Variants in EFNA2 observed in about 807,000 individuals in gnomAD.
EFNA2 encodes ephrin-A2.
Under a neutral mutation model 19.7 loss-of-function variants are expected in EFNA2, and 18 were observed. The ratio of observed to expected loss-of-function variants is 0.91; its 90% confidence interval spans 0.63 to 1.35. EFNA2 has a LOEUF of 1.35. EFNA2 is among the 40% of genes most tolerant of loss of function. The pLI is 0.00. For synonymous variants in EFNA2, 187 were observed against 137.8 expected, an observed-to-expected ratio of 1.36 and a Z score of -2.50; for missense variants, 303 against 296.0, an observed-to-expected ratio of 1.02 and a Z score of -0.17.
chr19:1,300,012 C>G lies in EFNA2; in HGVS notation c.*67C>G, dbSNP rs1412120217. ...CCTGGACCGCCTGACCTCGGCCCTC[C>G]GGACCCGGCTGCGGCCCCCGCCTCC... is the stretch of plus-strand genomic sequence containing the variant. On this transcript the variant is annotated 3_prime_UTR_variant, in exon 4 of 4. Transcript: ENST00000215368. 6 of 1,509,398 alleles carry G rather than the reference C, an allele frequency of 4.0e-6. No individual in the cohort carries two copies. The highest frequency in any genetic ancestry group is 1.4e-5 in the African/African-American group (1 of 71,148). 93.5% of individuals were successfully genotyped at this position (1,509,398 alleles called of 1,614,324 possible).
At chr19:1,291,317 A>G (rs994307618) in intron 1 of EFNA2, among the ~76,000 whole-genome samples, 1 of 152,160 alleles carries the variant, frequency 6.6e-6, no homozygotes, top group African/African-American at 2.4e-5. Flanking sequence ...CTGCACCACA[A>G]GGCCATACTT....
chr19:1,300,214 G>T lies in EFNA2; in HGVS notation c.*269G>T, dbSNP rs1053512486. 11 of 315,226 alleles carry T rather than the reference G, an allele frequency of 3.5e-5. No individual in the cohort carries two copies. In the East Asian group the frequency reaches 4.0e-4, roughly 11 times the overall value. 19.5% of individuals were successfully genotyped at this position (315,226 alleles called of 1,614,324 possible). ...GTGGCCAGGCCATCTCCTCTGGGGCGTCGGAGAACCCGGGAACCTCTTGGC... is the reference window on the plus strand; with the variant it reads ...GTGGCCAGGCCATCTCCTCTGGGGCTTCGGAGAACCCGGGAACCTCTTGGC... On this transcript the variant is annotated 3_prime_UTR_variant, in exon 4 of 4. Coordinates refer to ENST00000215368, the MANE Select transcript of EFNA2 (RefSeq NM_001405.4).
rs1042678800 is a variant in EFNA2 at position 1,286,223 on chromosome 19, C to T, written c.55C>T (p.Pro19Ser). ...GCTGCTGCTCCTGCTGTTACCGCTG[C>T]CGCCGCCGCCCTTCGCGCGCGCCGA... ...LPLLLLLLPL[P>S]PPPFARAEDA... Residue 19 changes from proline (P) to serine (S), a missense_variant, in exon 1 of 4, where the codon CCG (proline) becomes TCG (serine). Coordinates refer to ENST00000215368, the MANE Select transcript of EFNA2 (RefSeq NM_001405.4). This position sits in a 1 kb window ranked among gnomAD's most constrained non-coding sequence, Gnocchi z 5.6. 9.0e-7 allele frequency: 1 copy of T among 1,116,636 alleles called. No homozygotes were observed. Among genetic ancestry groups the T allele is most frequent in the Admixed American group, 4.0e-5 (1 of 25,062 alleles). 69.2% of individuals were successfully genotyped at this position (1,116,636 alleles called of 1,614,324 possible).
Position 1,300,244 on chromosome 19 carries a change from T to TC in EFNA2, c.*299_*300insC, listed in dbSNP as rs2081535914. 1 of 102,372 alleles carries TC rather than the reference T, an allele frequency of 9.8e-6. No individual in the cohort carries two copies. Among genetic ancestry groups the TC allele is most frequent in the Non-Finnish European group, 1.9e-5 (1 of 53,830 alleles). 6.3% of individuals were successfully genotyped at this position (102,372 alleles called of 1,614,324 possible). ...AGAACCCGGGAACCTCTTGGCGATTTTTTTTTTTTTTTTTTTTTTTTTTTT... is the reference window on the plus strand; with the variant it reads ...AGAACCCGGGAACCTCTTGGCGATTTCTTTTTTTTTTTTTTTTTTTTTTTTT... On this transcript the variant is annotated 3_prime_UTR_variant, in exon 4 of 4. Coordinates refer to ENST00000215368, the MANE Select transcript of EFNA2 (RefSeq NM_001405.4).
At chr19:1,288,995 C>T (rs866163660) in intron 1 of EFNA2, among the ~76,000 whole-genome samples, 1 of 152,258 alleles carries the variant, frequency 6.6e-6, no homozygotes, top group Non-Finnish European at 1.5e-5. Context: ...CTGCCCTCAC[C>T]TGTCCTGGCC....
rs547928573 is a variant in EFNA2, at chr19:1,295,343, C to T, written c.141-202C>T. On this transcript the variant is annotated intron_variant, in intron 1 of 3. Transcript: ENST00000215368. The surrounding 1 kb of genome is among the most constrained non-coding windows in gnomAD (Gnocchi z 5.8). ...CCATCTCTCCCCGCGCACACTGACC[C>T]GTGCCCCATGCACCTGTCCCCTGAC... is the stretch of plus-strand genomic sequence containing the variant. Among the ~76,000 whole-genome samples, 156 of 151,822 alleles carry T rather than the reference C, an allele frequency of 1.0e-3. No individual in the cohort carries two copies. Among genetic ancestry groups the T allele is most frequent in the African/African-American group, 3.5e-3 (146 of 41,380 alleles).
chr19:1,285,580 G>A (rs1004439271), upstream of EFNA2, among the ~76,000 whole-genome samples: 6 of 152,122 alleles, frequency 3.9e-5, no homozygotes, highest in African/African-American at 1.4e-4. This position sits in a 1 kb window ranked among gnomAD's most constrained non-coding sequence, Gnocchi z 4.1. Flanking sequence ...CGCTGGAACC[G>A]GGCAGGTGAG....
rs369070731 is a variant in EFNA2, at chr19:1,287,711, G to A, written c.140+1403G>A. 9.5e-4 allele frequency among the ~76,000 whole-genome samples: 145 copies of A among 152,262 alleles called. 1 individual carries two copies. Among genetic ancestry groups the A allele is most frequent in the African/African-American group, 3.1e-3 (129 of 41,550 alleles). Reference sequence around the variant, plus strand: ...CCACCTCAGAGCGGGTCCCCGAGCCGCCCGCTGTGCTGGTCACATGTGGGT... The same window carrying A: ...CCACCTCAGAGCGGGTCCCCGAGCCACCCGCTGTGCTGGTCACATGTGGGT... On this transcript the variant is annotated intron_variant, in intron 1 of 3. Transcript: ENST00000215368. The surrounding 1 kb of genome is among the most constrained non-coding windows in gnomAD (Gnocchi z 6.2).
rs143819978 is a variant in EFNA2 at position 1,296,921 on chromosome 19, C to T, written c.454+1063C>T. ...CAGTCCCTGCTGCTTATCGGAGGTC[C>T]GAAGCTGGCCTTTTTGTCCCTACGA... On this transcript the variant is annotated intron_variant, in intron 2 of 3. Coordinates refer to ENST00000215368, the MANE Select transcript of EFNA2 (RefSeq NM_001405.4). This position sits in a 1 kb window ranked among gnomAD's most constrained non-coding sequence, Gnocchi z 4.4. Among the ~76,000 whole-genome samples the T allele has an allele frequency of 8.5e-3, 1,295 of 152,318 alleles. 10 individuals carry two copies. Among genetic ancestry groups the T allele is most frequent in the Non-Finnish European group, 0.013 (856 of 68,030 alleles).
chr19:1,298,706 AGGGGGCCTC>A, intron 3 of EFNA2, 90 bp downstream of exon 3: 1 of 1,450,038 alleles, frequency 6.9e-7, no homozygotes, highest in South Asian at 1.2e-5. Context: ...GAGCCAGGAC[AGGGGGCCTC>A]GGGTTTCCCT....
At position 1,294,701 on chromosome 19, in the gene EFNA2, T is replaced by C. The variant is rs558454918; in HGVS notation, c.141-844T>C. On this transcript the variant is annotated intron_variant, in intron 1 of 3. Transcript: ENST00000215368. This position sits in a 1 kb window ranked among gnomAD's most constrained non-coding sequence, Gnocchi z 5.8. ...GCGGTGGGCGGAACTCTGGGGGTGC[T>C]GAGAGGAGGGTGGAGGGATTCTTCA... is the stretch of plus-strand genomic sequence containing the variant. Among the ~76,000 whole-genome samples the C allele has an allele frequency of 6.7e-6, 1 of 149,410 alleles. No individual in the cohort carries two copies. Among genetic ancestry groups the C allele is most frequent in the Non-Finnish European group, 1.5e-5 (1 of 67,322 alleles).
In EFNA2 at chr19:1,295,211, G is replaced by C. The variant is rs1465601854; in HGVS notation, c.141-334G>C. On this transcript the variant is annotated intron_variant, in intron 1 of 3. Transcript: ENST00000215368. The surrounding 1 kb of genome is among the most constrained non-coding windows in gnomAD (Gnocchi z 5.8). ...AGGGCCCAGGCGGAGTCCACCTTGTGAACTGACCCCTCCCCCATTCCCCGG... is the reference window on the plus strand; with the variant it reads ...AGGGCCCAGGCGGAGTCCACCTTGTCAACTGACCCCTCCCCCATTCCCCGG... Among the ~76,000 whole-genome samples the C allele has an allele frequency of 1.3e-5, 2 of 152,140 alleles. No homozygotes were observed. The highest frequency in any genetic ancestry group is 4.8e-5 in the African/African-American group (2 of 41,422).
upstream of EFNA2, among the ~76,000 whole-genome samples, chr19:1,285,203 G>A (rs2081457555): frequency 6.6e-6 from 1 of 152,222 alleles, no homozygotes; most frequent in Non-Finnish European, 1.5e-5. The surrounding 1 kb of genome is among the most constrained non-coding windows in gnomAD (Gnocchi z 4.1). Flanking sequence ...CTTTGCACAA[G>A]CTGTGCCCCC....
rs1406883624 is a variant in EFNA2, at chr19:1,296,020, G to T, written c.454+162G>T. On this transcript the variant is annotated intron_variant, in intron 2 of 3. Coordinates refer to ENST00000215368, the MANE Select transcript of EFNA2 (RefSeq NM_001405.4). This position sits in a 1 kb window ranked among gnomAD's most constrained non-coding sequence, Gnocchi z 4.4. ...GCCAGGGGGGAGTGGGCGGGGCCGC[G>T]GAATGGGGCCAGGGGGGAGTGGGCG... Among the ~76,000 whole-genome samples the T allele has an allele frequency of 2.2e-4, 30 of 139,114 alleles. No individual in the cohort carries two copies. Among genetic ancestry groups the T allele is most frequent in the Admixed American group, 1.8e-3 (24 of 13,340 alleles). 91.3% of individuals were successfully genotyped at this position (139,114 alleles called of 152,430 possible).
intron 1 of EFNA2, among the ~76,000 whole-genome samples, chr19:1,289,808 G>A (rs557658619): frequency 5.9e-5 from 9 of 152,312 alleles, no homozygotes; most frequent in South Asian, 2.1e-4. Context: ...AGAGGTGAAC[G>A]GGGTGTCTCG....
In EFNA2 at chr19:1,285,900, C is replaced by T. The variant is rs1050989383; in HGVS notation, c.-269C>T. 6.9e-5 allele frequency among the ~76,000 whole-genome samples: 10 copies of T among 145,388 alleles called. No homozygotes were observed. Among genetic ancestry groups the T allele is most frequent in the Non-Finnish European group, 1.4e-4 (9 of 65,568 alleles). On this transcript the variant is annotated 5_prime_UTR_variant, in exon 1 of 4. Transcript: ENST00000215368. The surrounding 1 kb of genome is among the most constrained non-coding windows in gnomAD (Gnocchi z 4.1). ...AGCCCGGGCCCCTCCCCGGCGGGTG[C>T]GGCGGCGGCGGCCCGCGCTCCGACA...
chr19:1,295,951 G>A lies in EFNA2; in HGVS notation c.454+93G>A. On this transcript the variant is annotated intron_variant, in intron 2 of 3. Coordinates refer to ENST00000215368, the MANE Select transcript of EFNA2 (RefSeq NM_001405.4). This position sits in a 1 kb window ranked among gnomAD's most constrained non-coding sequence, Gnocchi z 5.8. ...TGGGCGGGACCACTGGGGTGGGGCC[G>A]GGGAGTGGGCGGGGCAGCGCAGTGG... 8.7e-6 allele frequency: 11 copies of A among 1,268,920 alleles called. No individual in the cohort carries two copies. Among genetic ancestry groups the A allele is most frequent in the Non-Finnish European group, 9.3e-6 (9 of 962,596 alleles). The allele number at this position is 1,268,920 out of a possible 1,614,324, so 78.6% of individuals were successfully genotyped here.
chr19:1,299,173 G>A (rs2081529014), intron 3 of EFNA2, among the ~76,000 whole-genome samples: 1 of 152,172 alleles, frequency 6.6e-6, no homozygotes, highest in South Asian at 2.1e-4. Context: ...GGGAAGTGGA[G>A]GTTGCAGTGA....
chr19:1,298,148 G>A (rs1221779884), intron 2 of EFNA2, among the ~76,000 whole-genome samples: 1 of 151,784 alleles, frequency 6.6e-6, no homozygotes, highest in Non-Finnish European at 1.5e-5. Context: ...GTCCAGAGAG[G>A]GAGCGGCTTG....
Sources: gnomAD v4.1 joint callset for allele counts (sites outside exome capture counted in the v4.1 genomes callset) on GRCh38, gnomAD v4.1.1 for gene constraint, Gnocchi (gnomAD v3.1) non-coding constraint, MANE v1.5 for transcripts, NCBI Gene and HGNC (gene_info 2026-07-23, HGNC 2026-07-21) for gene names.